The following NSD1 variants were observed in gnomAD, a reference collection of about 807,000 sequenced individuals.
NSD1 encodes the protein histone-lysine N-methyltransferase, H3 lysine-36 specific.
Under a neutral mutation model 242.7 loss-of-function variants are expected in NSD1, and 26 were observed. The ratio of observed to expected loss-of-function variants is 0.11; its 90% CI spans 0.08 to 0.15. The LOEUF (loss-of-function observed/expected upper bound fraction) is 0.15. Among genes scored for constraint, NSD1 ranks in the 10% least tolerant of loss-of-function variants. The pLI is 1.00. For missense variants in NSD1, 2,495 were observed against 3,272.8 expected, an observed-to-expected ratio of 0.76 and a Z score of 5.80; for synonymous variants, 1,106 against 1,178.1, an observed-to-expected ratio of 0.94 and a Z score of 1.25.
chr5:177,244,318 A>G, intron 9 of NSD1, 48 bp downstream of exon 9: 1 of 1,342,444 alleles, frequency 7.4e-7, no homozygotes, highest in East Asian at 2.3e-5. Flanking sequence ...GTAAGTTTGA[A>G]GTGCTTTGTC....
At chr5:177,216,976 TTTTG>T (rs1475777660) in intron 5 of NSD1, among the ~76,000 whole-genome samples, 4 of 151,784 alleles carry the variant, frequency 2.6e-5, no homozygotes, top group South Asian at 2.1e-4. Context: ...CTCAAGATTG[TTTTG>T]TTTATTTGGG....
chr5:177,231,801 C>T (rs1765079464), intron 5 of NSD1, among the ~76,000 whole-genome samples: 1 of 152,154 alleles, frequency 6.6e-6, no homozygotes, highest in Non-Finnish European at 1.5e-5. Context: ...ATCCATAAAG[C>T]AATTGCATAT....
At chr5:177,141,823 T>A (rs1756853658) in intron 2 of NSD1, among the ~76,000 whole-genome samples, 1 of 152,132 alleles carries the variant, frequency 6.6e-6, no homozygotes, top group South Asian at 2.1e-4. Context: ...ACCTAAAATG[T>A]AATATTATTT....
chr5:177,141,348 T>A (rs910299453), intron 2 of NSD1, among the ~76,000 whole-genome samples: 3 of 138,494 alleles, frequency 2.2e-5, no homozygotes, highest in Admixed American at 1.5e-4. Context: ...TTTTTTTTTT[T>A]AAGATGAATT....
chr5:177,213,672 G>A (rs1044317601), intron 5 of NSD1, among the ~76,000 whole-genome samples: 16 of 152,006 alleles, frequency 1.1e-4, no homozygotes, highest in Admixed American at 7.2e-4. Flanking sequence ...GGGTTTCACT[G>A]TGTTAGCCAG....
chr5:177,270,843 C>T (rs10077929), intron 16 of NSD1, among the ~76,000 whole-genome samples: 96,008 of 152,070 alleles, frequency 0.63, 33,944 homozygotes, highest in Non-Finnish European at 0.8. Flanking sequence ...CCTCACTTAC[C>T]CTGTTTGTCT....
intron 2 of NSD1, among the ~76,000 whole-genome samples, chr5:177,158,951 C>CAT (rs1378055551): frequency 8.1e-5 from 11 of 135,696 alleles, no homozygotes; most frequent in Non-Finnish European, 1.1e-4. Context: ...TATATACACA[C>CAT]ATATATATAT....
At chr5:177,267,354 C>G (rs1757575235) in intron 14 of NSD1, among the ~76,000 whole-genome samples, 1 of 152,114 alleles carries the variant, frequency 6.6e-6, no homozygotes, top group South Asian at 2.1e-4. Context: ...GCCTGTGGTC[C>G]TAGAGCTAGA....
chr5:177,231,891 A>G (rs1765087087), intron 5 of NSD1, among the ~76,000 whole-genome samples: 1 of 152,006 alleles, frequency 6.6e-6, no homozygotes, highest in African/African-American at 2.4e-5. Flanking sequence ...ATAATCAGTT[A>G]TATATATTAT....
chr5:177,265,942 G>T, intron 14 of NSD1: 1 of 1,285,826 alleles, frequency 7.8e-7, no homozygotes, highest in Non-Finnish European at 1.1e-6. Flanking sequence ...CCTTTATGAG[G>T]CAGGCGTTGG....
chr5:177,274,728 T>TG (rs773660583), intron 17 of NSD1, among the ~76,000 whole-genome samples: 1 of 149,510 alleles, frequency 6.7e-6, no homozygotes, highest in African/African-American at 2.5e-5. Flanking sequence ...TGTGTGTGTG[T>TG]TGTTTTTTTG....
At chr5:177,182,847 A>C (rs541304591) in intron 2 of NSD1, among the ~76,000 whole-genome samples, 51 of 152,282 alleles carry the variant, frequency 3.3e-4, no homozygotes, top group East Asian at 2.5e-3. Flanking sequence ...CACGTTAGTC[A>C]GGCTGGTCTC....
chr5:177,205,634 T>C (rs918221393), intron 4 of NSD1, among the ~76,000 whole-genome samples: 14 of 152,068 alleles, frequency 9.2e-5, no homozygotes, highest in Admixed American at 6.6e-5. Context: ...ATAATTATTT[T>C]CATCTTGCAA....
chr5:177,149,065 C>T (rs1280383552), intron 2 of NSD1, among the ~76,000 whole-genome samples: 1 of 152,026 alleles, frequency 6.6e-6, no homozygotes, highest in Non-Finnish European at 1.5e-5. Context: ...GTAATCCACC[C>T]ATCTTGGCTT....
At chr5:177,192,698 T>C (rs183762623) in intron 3 of NSD1, among the ~76,000 whole-genome samples, 27 of 152,166 alleles carry the variant, frequency 1.8e-4, no homozygotes, top group Non-Finnish European at 3.8e-4. Flanking sequence ...CCAGGCCTAA[T>C]TTTTGTATTT....
intron 2 of NSD1, among the ~76,000 whole-genome samples, chr5:177,162,081 T>G (rs1037981569): frequency 6.6e-6 from 1 of 152,042 alleles, no homozygotes. Flanking sequence ...GCAGATCACC[T>G]GAGATCCAGA....
chr5:177,264,028 A>AT (rs61538775), intron 14 of NSD1, among the ~76,000 whole-genome samples: 1,308 of 76,278 alleles, frequency 0.017, 174 homozygotes, highest in East Asian at 0.049. Context: ...CAATGAACCA[A>AT]TTTTTTTTTT....
intron 2 of NSD1, 98 bp downstream of exon 2, chr5:177,136,128 C>A: frequency 9.7e-7 from 1 of 1,031,106 alleles, no homozygotes; most frequent in Non-Finnish European, 1.5e-6. Flanking sequence ...GGTTGCTTAT[C>A]AGTTCACAGC....
chr5:177,207,905 AGTGTGTGTGT>A (rs145605083), intron 4 of NSD1, among the ~76,000 whole-genome samples: 2 of 149,258 alleles, frequency 1.3e-5, no homozygotes, highest in Admixed American at 1.3e-4. Context: ...ATGTCCAGCT[AGTGTGTGTGT>A]GTGTGTGCGT....
Sources: gnomAD v4.1 joint callset for allele counts (sites outside exome capture counted in the v4.1 genomes callset) on GRCh38, gnomAD v4.1.1 for gene constraint, MANE v1.5 for transcripts, NCBI Gene and HGNC (gene_info 2026-07-23, HGNC 2026-07-21) for gene names.